TRIQK: variants seen among roughly 807,000 people sequenced by gnomAD.
The protein encoded by TRIQK is triple QxxK/R motif containing.
Under a neutral mutation model 10.8 loss-of-function variants are expected in TRIQK, and 10 were observed. The ratio of observed to expected loss-of-function variants is 0.92; its 90% CI spans 0.57 to 1.57. The LOEUF is 1.57. TRIQK is among the 40% of genes most tolerant of loss of function. The pLI is 0.00. For synonymous variants in TRIQK, 33 were observed against 33.7 expected, an observed-to-expected ratio of 0.98 and a Z score of 0.07; for missense variants, 107 against 97.7, an observed-to-expected ratio of 1.09 and a Z score of -0.40.
chr8:92,892,117 A>C, intron 3 of TRIQK, 43 bp from the exon 4 acceptor site: 1 of 1,275,572 alleles, frequency 7.8e-7, no homozygotes, highest in African/African-American at 1.5e-5. Flanking sequence ...GCTCATATAT[A>C]ATTAAGTTTA....
chr8:93,006,199 C>G (rs1475320836), intron 1 of TRIQK, among the ~76,000 whole-genome samples: 1 of 152,078 alleles, frequency 6.6e-6, no homozygotes, highest in Non-Finnish European at 1.5e-5. Flanking sequence ...CAGCTGTGGT[C>G]AGAGGCTCCC....
chr8:93,001,582 C>T (rs1203305264), intron 1 of TRIQK, among the ~76,000 whole-genome samples: 3 of 152,076 alleles, frequency 2.0e-5, no homozygotes, highest in Admixed American at 6.6e-5. Flanking sequence ...TCAGCAAAAT[C>T]ATATAACAGT....
At chr8:92,962,010 C>T (rs1243211510) in intron 1 of TRIQK, among the ~76,000 whole-genome samples, 2 of 152,056 alleles carry the variant, frequency 1.3e-5, no homozygotes, top group East Asian at 3.8e-4. Context: ...TTCAAAATTA[C>T]GAATTAAGTA....
At chr8:92,996,951 C>A (rs915379133) in intron 1 of TRIQK, among the ~76,000 whole-genome samples, 2 of 151,844 alleles carry the variant, frequency 1.3e-5, no homozygotes, top group African/African-American at 4.8e-5. Context: ...GGGGAGTAAT[C>A]AATATACAGG....
chr8:92,909,456 G>A (rs967226977), intron 3 of TRIQK, among the ~76,000 whole-genome samples: 1 of 151,868 alleles, frequency 6.6e-6, no homozygotes, highest in Non-Finnish European at 1.5e-5. Flanking sequence ...AATATAGAGA[G>A]CAGGCTGGTA....
At chr8:92,966,907 A>G (rs1006482499), upstream of TRIQK, among the ~76,000 whole-genome samples, 2 of 151,208 alleles carry the variant, frequency 1.3e-5, no homozygotes, top group South Asian at 2.1e-4. Context: ...TCTTGCTCAC[A>G]TAAAAGTCAC....
At chr8:93,014,124 C>G (rs924800768) in intron 1 of TRIQK, among the ~76,000 whole-genome samples, 1 of 152,038 alleles carries the variant, frequency 6.6e-6, no homozygotes, top group Non-Finnish European at 1.5e-5. Flanking sequence ...ACTGGGAAAT[C>G]TGTTTCAGTA....
chr8:92,937,020 T>G (rs1283095704), intron 2 of TRIQK, among the ~76,000 whole-genome samples: 1 of 151,812 alleles, frequency 6.6e-6, no homozygotes, highest in Non-Finnish European at 1.5e-5. Context: ...TTAAAGATTA[T>G]GTACCTACAA....
intron 1 of TRIQK, among the ~76,000 whole-genome samples, chr8:93,009,663 C>G (rs909840524): frequency 6.6e-6 from 1 of 151,612 alleles, no homozygotes; most frequent in African/African-American, 2.4e-5. Context: ...AAAAAAGAAC[C>G]CTTACACAGG....
chr8:92,914,630 G>T (rs1009662001), intron 3 of TRIQK, among the ~76,000 whole-genome samples: 1 of 152,022 alleles, frequency 6.6e-6, no homozygotes, highest in Non-Finnish European at 1.5e-5. Flanking sequence ...TGACAAACAG[G>T]TACATGGAAA....
chr8:92,907,801 G>A (rs1308639962), intron 3 of TRIQK, among the ~76,000 whole-genome samples: 4 of 151,816 alleles, frequency 2.6e-5, no homozygotes, highest in African/African-American at 4.8e-5. Context: ...CATTAGTGCT[G>A]TCCCTATAAA....
At chr8:92,956,484 T>C (rs932979845) in intron 1 of TRIQK, among the ~76,000 whole-genome samples, 18 of 151,666 alleles carry the variant, frequency 1.2e-4, no homozygotes, top group Non-Finnish European at 7.4e-5. Context: ...ATTGGGAATA[T>C]TGTAAAAATT....
intron 1 of TRIQK, among the ~76,000 whole-genome samples, chr8:92,995,924 G>A (rs912332704): frequency 2.7e-4 from 41 of 151,930 alleles, no homozygotes; most frequent in African/African-American, 8.7e-4. Flanking sequence ...GTCATGTGAC[G>A]GGAATTCTAA....
intron 3 of TRIQK, among the ~76,000 whole-genome samples, chr8:92,912,638 A>G (rs1030813244): frequency 6.6e-6 from 1 of 151,940 alleles, no homozygotes; most frequent in Admixed American, 6.6e-5. Flanking sequence ...TCACACACGA[A>G]ATAGCAGACA....
intron 1 of TRIQK, among the ~76,000 whole-genome samples, chr8:92,979,160 A>G (rs1812960743): frequency 6.6e-6 from 1 of 152,028 alleles, no homozygotes; most frequent in African/African-American, 2.4e-5. Flanking sequence ...TTTCTGCATA[A>G]TTGTCTGCTA....
chr8:92,909,153 G>A (rs1276542273), intron 3 of TRIQK, among the ~76,000 whole-genome samples: 1 of 151,836 alleles, frequency 6.6e-6, no homozygotes, highest in African/African-American at 2.4e-5. Flanking sequence ...AAAAACTCTA[G>A]TAACTATGTC....
chr8:92,957,054 C>T (rs1411899112), intron 1 of TRIQK, among the ~76,000 whole-genome samples: 1 of 151,716 alleles, frequency 6.6e-6, no homozygotes, highest in Non-Finnish European at 1.5e-5. Flanking sequence ...AACTGACTTG[C>T]CCAAGCATGC....
At chr8:92,937,057 T>C (rs924045145) in intron 2 of TRIQK, among the ~76,000 whole-genome samples, 2 of 151,794 alleles carry the variant, frequency 1.3e-5, no homozygotes, top group South Asian at 2.1e-4. Flanking sequence ...GCTAGTTATA[T>C]GAACTAGGGA....
In TRIQK at chr8:92,916,593, T is replaced by A. The variant is rs138213975; in HGVS notation, c.61+336A>T. 3.3e-3 allele frequency among the ~76,000 whole-genome samples: 509 copies of A among 152,236 alleles called. 11 individuals are homozygous for A. The highest frequency in any genetic ancestry group is 0.031 in the Admixed American group (470 of 15,282). ...CAATAAGAGTCAACAGAATTAAAAG[T>A]TATAATATGTATACAAAGGAATGAT... On this transcript the variant is annotated intron_variant, in intron 3 of 4. Coordinates refer to ENST00000521988, the MANE Select transcript of TRIQK (RefSeq NM_001171797.2).
Sources: allele counts gnomAD v4.1 joint callset (sites outside exome capture counted in the v4.1 genomes callset), GRCh38; gene constraint gnomAD v4.1.1; transcripts MANE v1.5; gene names NCBI Gene and HGNC (gene_info 2026-07-23, HGNC 2026-07-21).